Variants in SAP30L observed in about 807,000 individuals in gnomAD.
The protein encoded by SAP30L is SAP30 like.
A neutral mutation model predicts 22.3 loss-of-function variants in SAP30L; 10 were observed. The observed-to-expected ratio is 0.45, with a 90% CI of 0.28 to 0.76. SAP30L has a LOEUF of 0.76. Among genes scored for constraint, SAP30L ranks in the 30% least tolerant of loss-of-function variants. The probability of loss-of-function intolerance (pLI) is 0.14; values close to 1 mark genes in which losing one functional copy is unlikely to be tolerated. For synonymous variants in SAP30L, 91 were observed against 94.1 expected (o/e 0.97, Z 0.19); for missense variants, 206 against 237.9 (o/e 0.87, Z 0.88).
rs1197851377 is a variant in SAP30L, at chr5:154,458,810, G to A, written c.*2782G>A. 6.6e-6 allele frequency: 1 copy of A among 152,084 alleles called. No individual in the cohort carries two copies. The highest frequency in any genetic ancestry group is 1.5e-5 in the Non-Finnish European group (1 of 68,020). 9.4% of individuals were successfully genotyped at this position (152,084 alleles called of 1,614,324 possible). On this transcript the variant is annotated 3_prime_UTR_variant, in exon 4 of 4. Coordinates refer to ENST00000297109, the MANE Select transcript of SAP30L (RefSeq NM_024632.6). Reference sequence around the variant, plus strand: ...TCTTGCTTCAAGGAACAAACTCTTAGGTTGGCAACAGCATATAAAAAAAAA... The same window carrying A: ...TCTTGCTTCAAGGAACAAACTCTTAAGTTGGCAACAGCATATAAAAAAAAA...
At chr5:154,447,642 G>C (rs1286273720) in intron 1 of SAP30L, among the ~76,000 whole-genome samples, 2 of 152,210 alleles carry the variant, frequency 1.3e-5, no homozygotes, top group Non-Finnish European at 2.9e-5. Context: ...GAGTTAAGGG[G>C]ATATTTAATA....
At position 154,459,250 on chromosome 5, in the gene SAP30L, C is replaced by A. The variant is rs1391630071; in HGVS notation, c.*3222C>A. 3 of 152,234 alleles carry A rather than the reference C, an allele frequency of 2.0e-5. No individual in the cohort carries two copies. The highest frequency in any genetic ancestry group is 7.2e-5 in the African/African-American group (3 of 41,446). 9.4% of individuals were successfully genotyped at this position (152,234 alleles called of 1,614,324 possible). A position where few individuals can be genotyped will look rare whatever the true frequency, so the allele number is the denominator to read the frequency against. On this transcript the variant is annotated 3_prime_UTR_variant, in exon 4 of 4. Coordinates refer to ENST00000297109, the MANE Select transcript of SAP30L (RefSeq NM_024632.6). ...AGTTGGGAAAGGGCTGTTAAGTCAT[C>A]CAGTCTAGTCTCCACATAGGTGCTG...
chr5:154,446,559 G>A lies in SAP30L; in HGVS notation c.-46G>A. The A allele has an allele frequency of 7.3e-7, 1 of 1,374,560 alleles. No individual in the cohort carries two copies. Among genetic ancestry groups the A allele is most frequent in the African/African-American group, 1.5e-5 (1 of 65,170 alleles). The allele number at this position is 1,374,560 out of a possible 1,614,324, so 85.1% of individuals were successfully genotyped here. The stretch of plus-strand genomic sequence containing the variant: ...CCGCGGCAAGCGCGGCCGCGGAGTG[G>A]CCTACCGGGGACCCTCCCCCAGAGG... On this transcript the variant is annotated 5_prime_UTR_variant, in exon 1 of 4. Coordinates refer to ENST00000297109, the MANE Select transcript of SAP30L (RefSeq NM_024632.6).
rs1439522339 is a variant in SAP30L at position 154,457,620 on chromosome 5, A to T, written c.*1592A>T. The T allele has an allele frequency of 6.6e-6, 1 of 152,244 alleles. No homozygotes were observed. The highest frequency in any genetic ancestry group is 1.5e-5 in the Non-Finnish European group (1 of 68,042). The allele number at this position is 152,244 out of a possible 1,614,324, so 9.4% of individuals were successfully genotyped here. ...TCTGTGGAATGGGGACAGGGTCACC[A>T]CGCTCACTAAAATGCAGTATGTTCC... is the stretch of plus-strand genomic sequence containing the variant. On this transcript the variant is annotated 3_prime_UTR_variant, in exon 4 of 4. Transcript: ENST00000297109.
At chr5:154,453,903 T>C in intron 3 of SAP30L, among the ~76,000 whole-genome samples, 1 of 152,216 alleles carries the variant, frequency 6.6e-6, no homozygotes, top group Admixed American at 6.5e-5. Context: ...CTGGGCTGAC[T>C]GCAGCCCCAA....
chr5:154,449,168 G>A (rs1757086995), intron 1 of SAP30L, among the ~76,000 whole-genome samples: 2 of 152,132 alleles, frequency 1.3e-5, no homozygotes, highest in Non-Finnish European at 2.9e-5. Context: ...AATTCAGGCT[G>A]TTTAACTCAT....
At chr5:154,449,514 A>G (rs541007854) in intron 1 of SAP30L, among the ~76,000 whole-genome samples, 1 of 152,308 alleles carries the variant, frequency 6.6e-6, no homozygotes, top group East Asian at 1.9e-4. Context: ...TTAGGAAGCC[A>G]CCTATTCTCC....
chr5:154,447,823 C>G (rs926618451), intron 1 of SAP30L, among the ~76,000 whole-genome samples: 1 of 152,094 alleles, frequency 6.6e-6, no homozygotes, highest in African/African-American at 2.4e-5. Flanking sequence ...GTGAGGGTGT[C>G]AGGTACACAC....
chr5:154,448,649 C>T (rs1757075884), intron 1 of SAP30L, among the ~76,000 whole-genome samples: 1 of 152,224 alleles, frequency 6.6e-6, no homozygotes, highest in Admixed American at 6.5e-5. Flanking sequence ...TGGATGCCTT[C>T]CCATCTGAAT....
At position 154,459,765 on chromosome 5, in the gene SAP30L, T is replaced by C. The variant is rs886931643; in HGVS notation, c.*3737T>C. 1.3e-5 allele frequency: 2 copies of C among 152,228 alleles called. No homozygotes were observed. Among genetic ancestry groups the C allele is most frequent in the African/African-American group, 4.8e-5 (2 of 41,440 alleles). 9.4% of individuals were successfully genotyped at this position (152,228 alleles called of 1,614,324 possible). A position where few individuals can be genotyped will look rare whatever the true frequency, so the allele number is the denominator to read the frequency against. On this transcript the variant is annotated 3_prime_UTR_variant, in exon 4 of 4. Coordinates refer to ENST00000297109, the MANE Select transcript of SAP30L (RefSeq NM_024632.6). ...ATCAGGAAATTGTTCAGCTGGAGGA[T>C]TTATAACTTCGTTGCTTTGCATGAA...
Position 154,459,266 on chromosome 5 carries a change from A to G in SAP30L, c.*3238A>G, listed in dbSNP as rs1407160092. The G allele has an allele frequency of 6.6e-6, 1 of 152,258 alleles. No individual in the cohort carries two copies. The highest frequency in any genetic ancestry group is 1.9e-4 in the East Asian group (1 of 5,202). 9.4% of individuals were successfully genotyped at this position (152,258 alleles called of 1,614,324 possible). ...TTAAGTCATCCAGTCTAGTCTCCAC[A>G]TAGGTGCTGACATTCTGCCTACAAC... is the stretch of plus-strand genomic sequence containing the variant. On this transcript the variant is annotated 3_prime_UTR_variant, in exon 4 of 4. Transcript: ENST00000297109.
intron 2 of SAP30L, among the ~76,000 whole-genome samples, chr5:154,452,206 C>G (rs1469488630): frequency 2.0e-5 from 3 of 152,166 alleles, no homozygotes; most frequent in African/African-American, 7.2e-5. Context: ...GGGCCTTTGT[C>G]TGCAGATGTG....
chr5:154,455,585 T>C (rs1408678704), intron 3 of SAP30L, among the ~76,000 whole-genome samples: 1 of 152,288 alleles, frequency 6.6e-6, no homozygotes, highest in African/African-American at 2.4e-5. Flanking sequence ...ACCAGAGCAG[T>C]CCCAGTCTCT....
intron 1 of SAP30L, among the ~76,000 whole-genome samples, chr5:154,448,876 T>A (rs973178697): frequency 6.6e-6 from 1 of 152,218 alleles, no homozygotes; most frequent in Non-Finnish European, 1.5e-5. Context: ...GAGTCATTAT[T>A]TCTGAAAGGG....
chr5:154,450,392 T>A (rs1757112139), intron 1 of SAP30L, among the ~76,000 whole-genome samples: 1 of 152,216 alleles, frequency 6.6e-6, no homozygotes, highest in South Asian at 2.1e-4. Flanking sequence ...TTCAAAGAGT[T>A]ATTATCCTAC....
chr5:154,453,398 C>A lies in SAP30L; in HGVS notation c.325-4C>A. On this transcript the variant is annotated splice_region_variant and splice_polypyrimidine_tract_variant and intron_variant, in intron 2 of 3. Coordinates refer to ENST00000297109, the MANE Select transcript of SAP30L (RefSeq NM_024632.6). ...GGATAACATTTTTCTCCTCTTCTCC[C>A]TAGGTTGATCTGTTCCAGCTGCAGG... 1.2e-6 allele frequency: 2 copies of A among 1,611,160 alleles called. No homozygotes were observed. Among genetic ancestry groups the A allele is most frequent in the East Asian group, 2.2e-5 (1 of 44,870 alleles).
Position 154,456,107 on chromosome 5 carries a change from CTG to C in SAP30L, c.*81_*82del. ...TCTACTACATTTAAGCCCATAAAGA[CTG>C]TTAAATATTATTGTAAATAAAAAAG... On this transcript the variant is annotated 3_prime_UTR_variant, in exon 4 of 4. Coordinates refer to ENST00000297109, the MANE Select transcript of SAP30L (RefSeq NM_024632.6). 4.2e-6 allele frequency: 6 copies of C among 1,426,252 alleles called. No individual in the cohort carries two copies. The South Asian group carries it at 4.3e-5, about 10-fold the overall frequency. 88.3% of individuals were successfully genotyped at this position (1,426,252 alleles called of 1,614,324 possible). A position where few individuals can be genotyped will look rare whatever the true frequency, so the allele number is the denominator to read the frequency against.
chr5:154,451,028 CAG>C (rs1369450749), intron 1 of SAP30L, 61 bp from the exon 2 acceptor site: 2 of 1,582,738 alleles, frequency 1.3e-6, no homozygotes, highest in East Asian at 4.5e-5. Context: ...CGCAATTCGA[CAG>C]ATACCTATTG....
In SAP30L at chr5:154,446,324, C is replaced by G. The variant is rs1286857267; in HGVS notation, c.-281C>G. On this transcript the variant is annotated 5_prime_UTR_variant, in exon 1 of 4. Transcript: ENST00000297109. ...CCGCTGCAGGGTTACGGTTCTGGGCCCCCGGCAGAAGGCTCCTCCGGGTGA... is the reference window on the plus strand; with the variant it reads ...CCGCTGCAGGGTTACGGTTCTGGGCGCCCGGCAGAAGGCTCCTCCGGGTGA... The G allele has an allele frequency of 5.7e-6, 2 of 347,924 alleles. No homozygotes were observed. Among genetic ancestry groups the G allele is most frequent in the East Asian group, 9.0e-5 (2 of 22,148 alleles). The allele number at this position is 347,924 out of a possible 1,614,324, so 21.6% of individuals were successfully genotyped here. A position where few individuals can be genotyped will look rare whatever the true frequency, so the allele number is the denominator to read the frequency against.
Sources: gnomAD v4.1 joint callset for allele counts (sites outside exome capture counted in the v4.1 genomes callset) on GRCh38, gnomAD v4.1.1 for gene constraint, MANE v1.5 for transcripts, NCBI Gene and HGNC (gene_info 2026-07-23, HGNC 2026-07-21) for gene names.